SPTB: variants seen among roughly 807,000 people sequenced by gnomAD.
SPTB encodes the protein spectrin beta chain, erythrocytic.
In SPTB, 45 loss-of-function variants were observed where a neutral mutation model predicts 256.2. The ratio of observed to expected loss-of-function variants is 0.18; its 90% CI spans 0.14 to 0.23. The LOEUF is 0.23. SPTB is among the 10% of genes least tolerant of loss of function. The probability of loss-of-function intolerance (pLI) is 1.00; values close to 1 mark genes in which losing one functional copy is unlikely to be tolerated. For synonymous variants in SPTB, 1,231 were observed against 1,243.1 expected (o/e 0.99, Z 0.21); for missense variants, 2,715 against 3,040.4 (o/e 0.89, Z 2.52).
chr14:64,787,929 T>A (rs2082602625), intron 15 of SPTB, among the ~76,000 whole-genome samples: 1 of 152,224 alleles, frequency 6.6e-6, no homozygotes, highest in South Asian at 2.1e-4. Flanking sequence ...CACTGTAATA[T>A]GCAGGCTGAA....
chr14:64,782,619 G>T, intron 19 of SPTB, 66 bp from the exon 20 acceptor site: 1 of 1,605,212 alleles, frequency 6.2e-7, no homozygotes, highest in Admixed American at 1.7e-5. Context: ...CCCTGCTCCT[G>T]ATGGTTGCAA....
intron 10 of SPTB, among the ~76,000 whole-genome samples, chr14:64,797,493 AAAAAAAAAAG>A (rs2082795763): frequency 6.7e-6 from 1 of 148,302 alleles, no homozygotes; most frequent in Non-Finnish European, 1.5e-5. Context: ...AAAAAAAAAA[AAAAAAAAAAG>A]GACTCAGGGA....
chr14:64,779,316 G>T lies in SPTB; in HGVS notation c.4474-70C>A. On this transcript the variant is annotated intron_variant, in intron 21 of 35. Coordinates refer to ENST00000644917, the MANE Select transcript of SPTB (RefSeq NM_001355436.2). The surrounding 1 kb of genome is among the most constrained non-coding windows in gnomAD (Gnocchi z 4.2). ...CAACCTTTCCTGAGTGCTCACCATG[G>T]GCGGCGCAGAGCTTTGCTGGCAGTG... 1 of 1,322,850 alleles carries T rather than the reference G, an allele frequency of 7.6e-7. No homozygotes were observed. The highest frequency in any genetic ancestry group is 1.1e-6 in the Non-Finnish European group (1 of 930,856). The allele number at this position is 1,322,850 out of a possible 1,614,324, so 81.9% of individuals were successfully genotyped here. A position where few individuals can be genotyped will look rare whatever the true frequency, so the allele number is the denominator to read the frequency against.
chr14:64,878,693 TG>T (rs979993750), intron 1 of SPTB, among the ~76,000 whole-genome samples: 1 of 152,172 alleles, frequency 6.6e-6, no homozygotes, highest in African/African-American at 2.4e-5. Context: ...GCAGGGGTTT[TG>T]CATGACTGCC....
At chr14:64,808,459 T>C (rs886249797) in intron 2 of SPTB, among the ~76,000 whole-genome samples, 7 of 152,202 alleles carry the variant, frequency 4.6e-5, no homozygotes, top group African/African-American at 1.7e-4. Flanking sequence ...CTGGGTGACC[T>C]GAAACCCTTC....
Position 64,804,921 on chromosome 14 carries a change from C to G in SPTB, c.300+18G>C, listed in dbSNP as rs2082954050. 15 of 1,613,578 alleles carry G rather than the reference C, an allele frequency of 9.3e-6. No individual in the cohort carries two copies. The highest frequency in any genetic ancestry group is 1.3e-5 in the Non-Finnish European group (15 of 1,179,988). The stretch of plus-strand genomic sequence containing the variant: ...GGGCCGATGGCAGCAGCCCCGGGGC[C>G]CACAGAAGGGACTTTACCAGCATCT... On this transcript the variant is annotated intron_variant, in intron 3 of 35. Coordinates refer to ENST00000644917, the MANE Select transcript of SPTB (RefSeq NM_001355436.2).
At chr14:64,854,037 C>CA in intron 1 of SPTB, among the ~76,000 whole-genome samples, 1 of 151,694 alleles carries the variant, frequency 6.6e-6, no homozygotes, top group Non-Finnish European at 1.5e-5. Context: ...ATTAAAAATA[C>CA]AAAAATTAGC....
In SPTB at chr14:64,847,159, C is replaced by T. The variant is rs1410510377; in HGVS notation, c.-51-24014G>A. Among the ~76,000 whole-genome samples the T allele has an allele frequency of 6.6e-6, 1 of 152,180 alleles. No homozygotes were observed. The highest frequency in any genetic ancestry group is 1.5e-5 in the Non-Finnish European group (1 of 68,038). ...AGCCCAGTCGGCTCTTGGTCCAGGACCTAATCTTCAAAGCTCCAGAAAATT... is the reference window on the plus strand; with the variant it reads ...AGCCCAGTCGGCTCTTGGTCCAGGATCTAATCTTCAAAGCTCCAGAAAATT... On this transcript the variant is annotated intron_variant, in intron 1 of 35. Coordinates refer to ENST00000644917, the MANE Select transcript of SPTB (RefSeq NM_001355436.2). The surrounding 1 kb of genome is among the most constrained non-coding windows in gnomAD (Gnocchi z 5.9).
intron 1 of SPTB, among the ~76,000 whole-genome samples, chr14:64,829,462 C>T (rs1473736638): frequency 6.6e-6 from 1 of 152,164 alleles, no homozygotes; most frequent in Non-Finnish European, 1.5e-5. Context: ...ATCTGAATTA[C>T]AGACTCAATA....
Position 64,773,170 on chromosome 14 carries a change from G to A in SPTB, c.5178+50C>T, listed in dbSNP as rs371955561. 6.9e-5 allele frequency: 111 copies of A among 1,610,012 alleles called. 1 individual carries two copies. The highest frequency in any genetic ancestry group is 6.8e-4 in the South Asian group (62 of 90,772). The stretch of plus-strand genomic sequence containing the variant: ...TGTGTCTTGAGTGACGGCTGGCTGC[G>A]TCTACCGCATTAGAGAAAGACAAAA... On this transcript the variant is annotated intron_variant, in intron 25 of 35. Transcript: ENST00000644917.
intron 12 of SPTB, 51 bp from the exon 13 acceptor site, chr14:64,794,668 A>G (rs2082735268): frequency 1.2e-6 from 2 of 1,610,604 alleles, no homozygotes; most frequent in South Asian, 1.1e-5. Context: ...AGAGACCTAC[A>G]CATTAGGAGA....
chr14:64,800,693 C>T (rs964776793), intron 8 of SPTB, 63 bp downstream of exon 8: 2 of 1,418,996 alleles, frequency 1.4e-6, no homozygotes, highest in Non-Finnish European at 1.0e-6. Context: ...GGAAAGAGGG[C>T]CACTCTGTCT....
chr14:64,868,399 A>C (rs964575530), intron 1 of SPTB, among the ~76,000 whole-genome samples: 14 of 152,248 alleles, frequency 9.2e-5, no homozygotes, highest in African/African-American at 3.4e-4. Flanking sequence ...ATAAAAAAAA[A>C]CAAGGCAGAA....
At position 64,775,294 on chromosome 14, in the gene SPTB, C is replaced by T. The variant is rs746416668; in HGVS notation, c.4673G>A (p.Arg1558His). 1.5e-5 allele frequency: 25 copies of T among 1,613,120 alleles called. No homozygotes were observed. Among genetic ancestry groups the T allele is most frequent in the Middle Eastern group, 1.6e-4 (1 of 6,076 alleles). ...AEIDCQDLEE[R>H]LGHLQSSWDR... ...CCAGGAGCTCTGCAGGTGCCCCAGG[C>T]GCTCCTCAAGGTCCTGGCAGTCGAT... Residue 1558 changes from arginine (R) to histidine (H), a missense_variant, in exon 23 of 36, where the codon CGC becomes CAC. This residue lies in a region of SPTB where 2,239 missense variants were observed against 2,384.4 expected (regional missense o/e 0.94). Coordinates refer to ENST00000644917, the MANE Select transcript of SPTB (RefSeq NM_001355436.2). The surrounding 1 kb of genome is among the most constrained non-coding windows in gnomAD (Gnocchi z 5.0).
chr14:64,772,062 C>T lies in SPTB; in HGVS notation c.5553+518G>A, dbSNP rs1263840174. Among the ~76,000 whole-genome samples, 3 of 152,218 alleles carry T rather than the reference C, an allele frequency of 2.0e-5. No homozygotes were observed. The highest frequency in any genetic ancestry group is 4.4e-5 in the Non-Finnish European group (3 of 68,026). On this transcript the variant is annotated intron_variant, in intron 26 of 35. Coordinates refer to ENST00000644917, the MANE Select transcript of SPTB (RefSeq NM_001355436.2). This position sits in a 1 kb window ranked among gnomAD's most constrained non-coding sequence, Gnocchi z 5.4. ...TAGAACTTGGGGGCTCTCCAGCTCCCATGTGGAAAGGCTGAAGTGCCCGGT... is the reference window on the plus strand; with the variant it reads ...TAGAACTTGGGGGCTCTCCAGCTCCTATGTGGAAAGGCTGAAGTGCCCGGT...
chr14:64,861,640 T>C (rs2083972999), intron 1 of SPTB, among the ~76,000 whole-genome samples: 1 of 152,186 alleles, frequency 6.6e-6, no homozygotes, highest in Non-Finnish European at 1.5e-5. Flanking sequence ...AAAAATCATG[T>C]TATTCACTGC....
Position 64,825,884 on chromosome 14 carries a change from G to A in SPTB, c.-51-2739C>T, listed in dbSNP as rs181972541. Among the ~76,000 whole-genome samples the A allele has an allele frequency of 1.0e-3, 159 of 152,372 alleles. No homozygotes were observed. Among genetic ancestry groups the A allele is most frequent in the African/African-American group, 3.5e-3 (146 of 41,584 alleles). Reference sequence around the variant, plus strand: ...CCTGCTTAAAAATGCCATCCCTCCTGTGGCCATGGCTCAGAGAAGGCAGCA... The same window carrying A: ...CCTGCTTAAAAATGCCATCCCTCCTATGGCCATGGCTCAGAGAAGGCAGCA... On this transcript the variant is annotated intron_variant, in intron 1 of 35. Transcript: ENST00000644917. This position sits in a 1 kb window ranked among gnomAD's most constrained non-coding sequence, Gnocchi z 4.8.
rs2082554368 is a variant in SPTB at position 64,785,760 on chromosome 14, C to T, written c.3753G>A (p.Leu1251=). 6.2e-7 allele frequency: 1 copy of T among 1,614,118 alleles called. No individual in the cohort carries two copies. Among genetic ancestry groups the T allele is most frequent in the African/African-American group, 1.3e-5 (1 of 75,016 alleles). ...GGGCCCGGGAGTACCTGTCCTCAAT[C>T]AGCTGCACCTTCTCCTTGATCTTGT... ...YSDKIKEKVQ[L]IEDRHRKNNE... The change falls in exon 17 of 36, where the codon CTG becomes CTA. Residue 1251 remains leucine (L), a synonymous_variant. Coordinates refer to ENST00000644917, the MANE Select transcript of SPTB (RefSeq NM_001355436.2). This position sits in a 1 kb window ranked among gnomAD's most constrained non-coding sequence, Gnocchi z 4.4.
intron 1 of SPTB, among the ~76,000 whole-genome samples, chr14:64,836,462 C>T (rs1334244049): frequency 2.0e-5 from 3 of 152,054 alleles, no homozygotes; most frequent in Non-Finnish European, 4.4e-5. Context: ...CAGTGTCTCT[C>T]GGTACTGAGT....
Sources: gnomAD v4.1 joint callset for allele counts (sites outside exome capture counted in the v4.1 genomes callset) on GRCh38, gnomAD v4.1.1 for gene constraint, gnomAD v4.1.1 regional missense constraint, Gnocchi (gnomAD v3.1) non-coding constraint, MANE v1.5 for transcripts, NCBI Gene and HGNC (gene_info 2026-07-23, HGNC 2026-07-21) for gene names.